CDK6: variants seen among roughly 807,000 people sequenced by gnomAD.
CDK6 encodes the protein cyclin-dependent kinase 6.
In CDK6, 6 loss-of-function variants were observed where a neutral mutation model predicts 37.1. The ratio of observed to expected loss-of-function variants is 0.16; its 90% CI spans 0.09 to 0.32. The LOEUF (loss-of-function observed/expected upper bound fraction) is 0.32. CDK6 is among the 10% of genes least tolerant of loss of function. CDK6 has a pLI of 1.00. For missense variants in CDK6, 224 were observed against 418.9 expected (o/e 0.53, Z 4.06); for synonymous variants, 160 against 161.3 (o/e 0.99, Z 0.06).
At chr7:92,669,048 C>T (rs1585384211) in intron 5 of CDK6, among the ~76,000 whole-genome samples, 1 of 152,354 alleles carries the variant, frequency 6.6e-6, no homozygotes, top group East Asian at 1.9e-4. Flanking sequence ...CAAACTGAAG[C>T]AGACTGCTGC....
Position 92,643,131 on chromosome 7 carries a change from C to T in CDK6, c.648-20045G>A, listed in dbSNP as rs140790066. Among the ~76,000 whole-genome samples the T allele has an allele frequency of 2.7e-3, 418 of 152,318 alleles. 1 individual carries two copies. The highest frequency in any genetic ancestry group is 3.9e-3 in the Non-Finnish European group (263 of 68,022). On this transcript the variant is annotated intron_variant, in intron 5 of 7. Transcript: ENST00000424848. ...CGAACTCCTGGACTCAAGTGATCTG[C>T]TTGCCTTGGCCTCCCAAAGTGTTGG...
rs572491384 is a variant in CDK6, at chr7:92,648,678, G to A, written c.647+22748C>T. 2.0e-4 allele frequency among the ~76,000 whole-genome samples: 30 copies of A among 152,236 alleles called. No individual in the cohort carries two copies. In the South Asian group the frequency reaches 6.0e-3, roughly 31 times the overall value. On this transcript the variant is annotated intron_variant, in intron 5 of 7. Transcript: ENST00000424848. Reference sequence around the variant, plus strand: ...AAACCTAGAATGCCCAGTTCAATACGTATTGGATGACCGAGTGTTTGCCAA... The same window carrying A: ...AAACCTAGAATGCCCAGTTCAATACATATTGGATGACCGAGTGTTTGCCAA...
intron 3 of CDK6, among the ~76,000 whole-genome samples, chr7:92,754,504 G>A (rs1799264768): frequency 6.6e-6 from 1 of 152,150 alleles, no homozygotes; most frequent in Admixed American, 6.5e-5. Context: ...GTTCAATTGA[G>A]TAAGTTGGAA....
At chr7:92,763,729 G>T (rs1799512957) in intron 3 of CDK6, among the ~76,000 whole-genome samples, 1 of 152,184 alleles carries the variant, frequency 6.6e-6, no homozygotes, top group South Asian at 2.1e-4. Context: ...GCACAGGCAA[G>T]CAAATATTCC....
At chr7:92,672,190 T>TACACACAC (rs71107866) in intron 4 of CDK6, among the ~76,000 whole-genome samples, 2,049 of 62,548 alleles carry the variant, frequency 0.033, 155 homozygotes, top group East Asian at 0.078. Context: ...CACAGACACA[T>TACACACAC]ACACACACAC....
intron 2 of CDK6, among the ~76,000 whole-genome samples, chr7:92,821,571 ATT>A (rs1562975351): frequency 6.6e-6 from 1 of 152,074 alleles, no homozygotes; most frequent in African/African-American, 2.4e-5. Context: ...ACTCTACTTT[ATT>A]AACAACTTCC....
chr7:92,794,735 T>C (rs1399170449), intron 2 of CDK6, among the ~76,000 whole-genome samples: 2 of 152,090 alleles, frequency 1.3e-5, no homozygotes, highest in East Asian at 1.9e-4. Flanking sequence ...TCAGCCATGA[T>C]TGCTGAATGG....
At chr7:92,766,723 C>T (rs1453280999) in intron 3 of CDK6, among the ~76,000 whole-genome samples, 1 of 152,212 alleles carries the variant, frequency 6.6e-6, no homozygotes, top group Non-Finnish European at 1.5e-5. Context: ...GAGCACTCTG[C>T]TATCTGTTGC....
intron 4 of CDK6, among the ~76,000 whole-genome samples, chr7:92,697,207 A>G (rs1333894949): frequency 6.6e-6 from 1 of 152,222 alleles, no homozygotes; most frequent in Non-Finnish European, 1.5e-5. Flanking sequence ...ATTACAGACC[A>G]AACAACCTGT....
chr7:92,742,143 A>G (rs892380781), intron 3 of CDK6, among the ~76,000 whole-genome samples: 4 of 152,210 alleles, frequency 2.6e-5, no homozygotes, highest in Non-Finnish European at 4.4e-5. Flanking sequence ...TGAAAACTAA[A>G]TCAATAATGT....
At chr7:92,644,955 G>A (rs1796409827) in intron 5 of CDK6, among the ~76,000 whole-genome samples, 1 of 152,182 alleles carries the variant, frequency 6.6e-6, no homozygotes, top group Non-Finnish European at 1.5e-5. Flanking sequence ...GAGGCAAGCA[G>A]CCAGGCAGAG....
intron 3 of CDK6, among the ~76,000 whole-genome samples, chr7:92,762,392 AAGCAGGG>A (rs1425649761): frequency 6.6e-6 from 1 of 151,982 alleles, no homozygotes. Context: ...AAGCAGAGGG[AAGCAGGG>A]CCCTCACTCA....
intron 2 of CDK6, among the ~76,000 whole-genome samples, chr7:92,832,549 A>C (rs1801516981): frequency 6.6e-6 from 1 of 152,222 alleles, no homozygotes; most frequent in African/African-American, 2.4e-5. Context: ...CGCAACTTTA[A>C]TAAAGAGAAA....
intron 4 of CDK6, among the ~76,000 whole-genome samples, chr7:92,699,861 G>A (rs1028591667): frequency 2.0e-5 from 3 of 152,306 alleles, no homozygotes; most frequent in Non-Finnish European, 2.9e-5. Flanking sequence ...TCTTTTATGA[G>A]CTACATCACC....
At chr7:92,821,615 C>G (rs1472140356) in intron 2 of CDK6, among the ~76,000 whole-genome samples, 1 of 151,956 alleles carries the variant, frequency 6.6e-6, no homozygotes, top group Non-Finnish European at 1.5e-5. Context: ...ACTGGGAACA[C>G]CACAATTTTT....
Position 92,682,666 on chromosome 7 carries a change from A to G in CDK6, c.538-11131T>C, listed in dbSNP as rs574023073. Among the ~76,000 whole-genome samples, 435 of 152,316 alleles carry G rather than the reference A, an allele frequency of 2.9e-3. 2 individuals are homozygous for G. The highest frequency in any genetic ancestry group is 9.7e-3 in the African/African-American group (402 of 41,576). ...TGTTCCAACAAATGTATGGGTAGCCAGAAGACAGCAGAATGGAGAGTTACA... is the reference window on the plus strand; with the variant it reads ...TGTTCCAACAAATGTATGGGTAGCCGGAAGACAGCAGAATGGAGAGTTACA... On this transcript the variant is annotated intron_variant, in intron 4 of 7. Transcript: ENST00000424848.
intron 4 of CDK6, among the ~76,000 whole-genome samples, chr7:92,697,199 T>C (rs928739333): frequency 1.3e-5 from 2 of 152,196 alleles, no homozygotes; most frequent in African/African-American, 4.8e-5. Context: ...TGGCTTTCAT[T>C]ACAGACCAAA....
chr7:92,803,108 TG>T (rs1324383390), intron 2 of CDK6, among the ~76,000 whole-genome samples: 5 of 152,248 alleles, frequency 3.3e-5, no homozygotes, highest in African/African-American at 1.2e-4. Flanking sequence ...AATATTATAC[TG>T]TATTTGTACA....
intron 5 of CDK6, among the ~76,000 whole-genome samples, chr7:92,670,158 G>T (rs532740603): frequency 1.3e-5 from 2 of 152,300 alleles, no homozygotes; most frequent in South Asian, 4.1e-4. Flanking sequence ...ACAAATAAAT[G>T]TACCACTCCA....
Sources: gnomAD v4.1 joint callset for allele counts (sites outside exome capture counted in the v4.1 genomes callset) on GRCh38, gnomAD v4.1.1 for gene constraint, MANE v1.5 for transcripts, NCBI Gene and HGNC (gene_info 2026-07-23, HGNC 2026-07-21) for gene names.